The following EXOC4 variants were observed in gnomAD, a reference collection of about 807,000 sequenced individuals.
EXOC4 encodes exocyst complex component 4.
A neutral mutation model predicts 107.2 loss-of-function variants in EXOC4; 71 were observed. That is an observed-to-expected ratio of 0.66 (90% CI 0.55 to 0.81). The LOEUF (loss-of-function observed/expected upper bound fraction) is 0.81, where lower values mean the gene tolerates loss of function less well. Among genes scored for constraint, EXOC4 ranks in the 30% least tolerant of loss-of-function variants. EXOC4 has a pLI of 0.00. For missense variants in EXOC4, 1,108 were observed against 1,189.6 expected, an observed-to-expected ratio of 0.93 and a Z score of 1.01; for synonymous variants, 456 against 441.2, an observed-to-expected ratio of 1.03 and a Z score of -0.42.
At chr7:133,985,799 T>C (rs1794100080) in intron 14 of EXOC4, among the ~76,000 whole-genome samples, 2 of 152,220 alleles carry the variant, frequency 1.3e-5, no homozygotes, top group Non-Finnish European at 2.9e-5. Context: ...TTACCAATTA[T>C]GTGACTAGAC....
intron 7 of EXOC4, among the ~76,000 whole-genome samples, chr7:133,460,723 A>G (rs1461403811): frequency 2.0e-5 from 3 of 152,148 alleles, no homozygotes; most frequent in Non-Finnish European, 4.4e-5. Context: ...CTTCAGACAG[A>G]AGAATTTTCC....
intron 14 of EXOC4, among the ~76,000 whole-genome samples, chr7:133,990,323 A>G (rs886068550): frequency 8.5e-6 from 1 of 117,908 alleles, no homozygotes; most frequent in African/African-American, 3.4e-5. Flanking sequence ...TTCAGCCTCC[A>G]TGAAATTCCC....
At chr7:133,547,676 T>C (rs1250032676) in intron 9 of EXOC4, among the ~76,000 whole-genome samples, 1 of 152,202 alleles carries the variant, frequency 6.6e-6, no homozygotes, top group African/African-American at 2.4e-5. Flanking sequence ...AGATTACATC[T>C]CAAGAAATCA....
intron 11 of EXOC4, among the ~76,000 whole-genome samples, chr7:133,874,570 C>G (rs1347760106): frequency 6.6e-6 from 1 of 152,210 alleles, no homozygotes; most frequent in Non-Finnish European, 1.5e-5. Context: ...CCCTGCCATT[C>G]TCCCCCTTAG....
intron 10 of EXOC4, among the ~76,000 whole-genome samples, chr7:133,662,061 A>G (rs888067676): frequency 3.3e-5 from 5 of 152,158 alleles, no homozygotes; most frequent in Non-Finnish European, 7.4e-5. Context: ...ATTAAAACCC[A>G]CATTTTACAG....
intron 1 of EXOC4, among the ~76,000 whole-genome samples, chr7:133,266,881 G>T (rs1459832482): frequency 6.6e-6 from 1 of 152,108 alleles, no homozygotes; most frequent in East Asian, 1.9e-4. Flanking sequence ...TTCCTTAAAG[G>T]AACTGGAGTC....
Position 133,844,588 on chromosome 7 carries a change from C to A in EXOC4, c.1734+27044C>A, listed in dbSNP as rs556959977. Among the ~76,000 whole-genome samples the A allele has an allele frequency of 1.4e-4, 21 of 151,936 alleles. 3 individuals carry two copies. In the South Asian group the frequency reaches 4.4e-3, roughly 32 times the overall value. On this transcript the variant is annotated intron_variant, in intron 11 of 17. Coordinates refer to ENST00000253861, the MANE Select transcript of EXOC4 (RefSeq NM_021807.4). ...TATGTTTAGTAGAGACGTGGTTTCA[C>A]CGTGTTGGCCAGGATGGTCTCGATC...
At chr7:133,365,412 TAATTTTAGCCACA>T (rs1420965005) in intron 6 of EXOC4, among the ~76,000 whole-genome samples, 45 of 152,202 alleles carry the variant, frequency 3.0e-4, no homozygotes, top group Non-Finnish European at 2.5e-4. Flanking sequence ...GTTTATTTTC[TAATTTTAGCCACA>T]AATTTGGCAT....
chr7:133,691,988 C>T (rs1230263549), intron 10 of EXOC4, among the ~76,000 whole-genome samples: 1 of 152,122 alleles, frequency 6.6e-6, no homozygotes, highest in Non-Finnish European at 1.5e-5. Flanking sequence ...GAGACCATCT[C>T]ATCTCTGATG....
intron 10 of EXOC4, among the ~76,000 whole-genome samples, chr7:133,740,957 A>G (rs1471038215): frequency 6.6e-6 from 1 of 152,168 alleles, no homozygotes; most frequent in African/African-American, 2.4e-5. Flanking sequence ...GTGAGACCCT[A>G]TTTGCCACTT....
At chr7:133,640,441 T>C in intron 10 of EXOC4, among the ~76,000 whole-genome samples, 1 of 152,230 alleles carries the variant, frequency 6.6e-6, no homozygotes, top group East Asian at 1.9e-4. Flanking sequence ...TAATCATTAA[T>C]TTGGAATAAA....
At chr7:133,719,579 C>T (rs1795065297) in intron 10 of EXOC4, among the ~76,000 whole-genome samples, 1 of 151,554 alleles carries the variant, frequency 6.6e-6, no homozygotes, top group Non-Finnish European at 1.5e-5. Context: ...TGCCTCAGAC[C>T]TTTGTCTGTC....
chr7:133,658,981 G>C (rs1394021408), intron 10 of EXOC4, among the ~76,000 whole-genome samples: 17 of 132,984 alleles, frequency 1.3e-4, no homozygotes, highest in Non-Finnish European at 1.6e-4. Context: ...TCATTGATTT[G>C]GTGAAGACTT....
At chr7:134,094,835 T>A in the EXOC4 span, among the ~76,000 whole-genome samples, 1 of 151,974 alleles carries the variant, frequency 6.6e-6, no homozygotes, top group African/African-American at 2.4e-5. Flanking sequence ...AACATATCTA[T>A]GACAAACTCG....
rs61237909 is a variant in EXOC4 at position 133,652,449 on chromosome 7, TA to T, written c.1514+22316del. On this transcript the variant is annotated intron_variant, in intron 10 of 17. Coordinates refer to ENST00000253861, the MANE Select transcript of EXOC4 (RefSeq NM_021807.4). The stretch of plus-strand genomic sequence containing the variant: ...CTAAACACAGCAATATTTTTTTTTT[TA>T]AAAAAAACAACCAAACCTCAGTTCC... 8.6e-5 allele frequency among the ~76,000 whole-genome samples: 13 copies of T among 151,232 alleles called. No homozygotes were observed. The East Asian group carries it at 1.2e-3, about 14-fold the overall frequency.
At chr7:133,831,156 G>A (rs1002509200) in intron 11 of EXOC4, among the ~76,000 whole-genome samples, 1 of 152,090 alleles carries the variant, frequency 6.6e-6, no homozygotes, top group African/African-American at 2.4e-5. Flanking sequence ...GTAGAGACGG[G>A]GTTTCACCAT....
intron 11 of EXOC4, among the ~76,000 whole-genome samples, chr7:133,880,182 TC>T (rs1342630754): frequency 2.6e-5 from 4 of 152,162 alleles, no homozygotes; most frequent in African/African-American, 4.8e-5. Flanking sequence ...TATACTCACT[TC>T]CCTCTTCTCT....
At chr7:133,387,645 C>T (rs1224016154) in intron 7 of EXOC4, among the ~76,000 whole-genome samples, 2 of 152,006 alleles carry the variant, frequency 1.3e-5, no homozygotes, top group Non-Finnish European at 2.9e-5. Flanking sequence ...ATTTTTAAGG[C>T]TTATATTGAT....
At position 133,344,061 on chromosome 7, in the gene EXOC4, C is replaced by T. The variant is rs557004648; in HGVS notation, c.764-12269C>T. On this transcript the variant is annotated intron_variant, in intron 5 of 17. Transcript: ENST00000253861. ...CAAACTCCTGGCTTCAAGAAGTTCT[C>T]CTATTTTGGCCTCCCAATATACTGG... Among the ~76,000 whole-genome samples the T allele has an allele frequency of 1.0e-3, 156 of 152,216 alleles. 1 individual carries two copies. Among genetic ancestry groups the T allele is most frequent in the African/African-American group, 3.7e-3 (152 of 41,562 alleles).
Sources: gnomAD v4.1 joint callset for allele counts (sites outside exome capture counted in the v4.1 genomes callset) on GRCh38, gnomAD v4.1.1 for gene constraint, MANE v1.5 for transcripts, NCBI Gene and HGNC (gene_info 2026-07-23, HGNC 2026-07-21) for gene names.